KAT2A: variants seen among roughly 807,000 people sequenced by gnomAD.
The protein encoded by KAT2A is lysine acetyltransferase 2A, also known as histone acetyltransferase KAT2A.
A neutral mutation model predicts 95.2 loss-of-function variants in KAT2A; 42 were observed. The ratio of observed to expected loss-of-function variants is 0.44; its 90% CI spans 0.34 to 0.57. KAT2A has a LOEUF of 0.57. Ranked by LOEUF, KAT2A falls within the 20% of genes least tolerant of loss-of-function variation. The pLI, the probability that KAT2A is intolerant of heterozygous loss-of-function variation, is 0.01. For missense variants in KAT2A, 784 were observed against 1,126.3 expected, an observed-to-expected ratio of 0.70 and a Z score of 4.35; for synonymous variants, 449 against 448.2, an observed-to-expected ratio of 1.00 and a Z score of -0.02.
chr17:42,117,951 T>C lies in KAT2A; in HGVS notation c.1247A>G (p.Asn416Ser). 1.2e-6 allele frequency: 2 copies of C among 1,608,476 alleles called. No individual in the cohort carries two copies. Among genetic ancestry groups the C allele is most frequent in the Middle Eastern group, 1.7e-4 (1 of 6,034 alleles). The change falls in exon 8 of 18, where the codon AAC (asparagine) becomes AGC (serine). Residue 416 changes from asparagine (N) to serine (S), a missense_variant. Around this residue, in one of 6 missense-constraint regions of KAT2A, gnomAD observed 63 missense variants for 70.1 expected, o/e 0.90. Transcript: ENST00000225916. This position sits in a 1 kb window ranked among gnomAD's most constrained non-coding sequence, Gnocchi z 8.9. ...TGCAGAATCCAGACTCAGGGAGCTG[T>C]TGCTGCCCCCACCCATGCTGGGGCT... is the stretch of plus-strand genomic sequence containing the variant. Reference protein sequence around the residue: ...IFSPSMGGGSNSSLSLDSAGA... With the variant: ...IFSPSMGGGSSSSLSLDSAGA...
Position 42,114,763 on chromosome 17 carries a change from A to T in KAT2A, c.2019+129T>A, listed in dbSNP as rs2054230546. 1 of 1,229,360 alleles carries T rather than the reference A, an allele frequency of 8.1e-7. No homozygotes were observed. Among genetic ancestry groups the T allele is most frequent in the Non-Finnish European group, 1.2e-6 (1 of 854,328 alleles). The allele number at this position is 1,229,360 out of a possible 1,614,324, so 76.2% of individuals were successfully genotyped here. A position where few individuals can be genotyped will look rare whatever the true frequency, so the allele number is the denominator to read the frequency against. ...CCAAGGGAGCAGAGCAAGAGCCAAG[A>T]TCCTGGCCTGCCCCTCCTCACTCAC... On this transcript the variant is annotated intron_variant, in intron 13 of 17. Coordinates refer to ENST00000225916, the MANE Select transcript of KAT2A (RefSeq NM_021078.3). This position sits in a 1 kb window ranked among gnomAD's most constrained non-coding sequence, Gnocchi z 6.0.
At position 42,117,122 on chromosome 17, in the gene KAT2A, G is replaced by T; in HGVS notation, c.1677C>A (p.Val559=). Residue 559 remains valine, a synonymous_variant, in exon 11 of 18, where the codon GTC becomes GTA. Coordinates refer to ENST00000225916, the MANE Select transcript of KAT2A (RefSeq NM_021078.3). This position sits in a 1 kb window ranked among gnomAD's most constrained non-coding sequence, Gnocchi z 8.9. ...KTLALIKDGR[V]IGGICFRMFP... ...ACATGCGGAAGCAGATGCCACCGATGACCCGCCCATCCTTGATCAAGGCCA... is the reference window on the plus strand; with the variant it reads ...ACATGCGGAAGCAGATGCCACCGATTACCCGCCCATCCTTGATCAAGGCCA... 6.2e-7 allele frequency: 1 copy of T among 1,614,106 alleles called. No individual in the cohort carries two copies. The highest frequency in any genetic ancestry group is 1.1e-5 in the South Asian group (1 of 91,072).
Position 42,119,828 on chromosome 17 carries a change from C to CT in KAT2A, c.700-111_700-110insA, listed in dbSNP as rs1477865033. 1 of 1,056,108 alleles carries CT rather than the reference C, an allele frequency of 9.5e-7. No homozygotes were observed. Among genetic ancestry groups the CT allele is most frequent in the Non-Finnish European group, 1.4e-6 (1 of 729,768 alleles). 65.4% of individuals were successfully genotyped at this position (1,056,108 alleles called of 1,614,324 possible). On this transcript the variant is annotated intron_variant, in intron 4 of 17. Transcript: ENST00000225916. The surrounding 1 kb of genome is among the most constrained non-coding windows in gnomAD (Gnocchi z 5.3). ...TGGCCAGGGACAAGGTTCTCCTTCT[C>CT]CTCTCTCTCTCGGGTGCTCTCTATA...
Position 42,120,117 on chromosome 17 carries a change from T to C in KAT2A, c.612A>G (p.Leu204=), listed in dbSNP as rs1247787614. 1.2e-6 allele frequency: 2 copies of C among 1,614,064 alleles called. No individual in the cohort carries two copies. Among genetic ancestry groups the C allele is most frequent in the Non-Finnish European group, 1.7e-6 (2 of 1,179,968 alleles). ...TCATCTGCAGGATGCATTTCCGCAG[T>C]AGCTAGAGAGAAGAGGAAGGGGGCA... ...TKQVYFYLFK[L]LRKCILQMTR... is the part of the protein sequence containing the mutation. The change falls in exon 4 of 18, where the codon CTA becomes CTG. Residue 204 remains leucine (L), a splice_region_variant and synonymous_variant. Transcript: ENST00000225916.
rs781942386 is a variant in KAT2A, at chr17:42,120,190, T to A, written c.609+35A>T. 21 of 1,613,826 alleles carry A rather than the reference T, an allele frequency of 1.3e-5. No homozygotes were observed. In the African/African-American group the frequency reaches 2.5e-4, roughly 19 times the overall value. On this transcript the variant is annotated intron_variant, in intron 3 of 17. Transcript: ENST00000225916. The stretch of plus-strand genomic sequence containing the variant: ...GCAGACAACCCCTCAAGGCCCCACC[T>A]CCTTCACTCACACCCTCCTTTAGTG...
Position 42,117,466 on chromosome 17 carries a change from A to G in KAT2A, c.1559T>C (p.Leu520Pro). 1 of 1,613,432 alleles carries G rather than the reference A, an allele frequency of 6.2e-7. No homozygotes were observed. The highest frequency in any genetic ancestry group is 8.5e-7 in the Non-Finnish European group (1 of 1,180,018). The change falls in exon 10 of 18, where the codon CTC becomes CCC. Residue 520 changes from leucine to proline, a missense_variant. This residue lies in a region of KAT2A where 174 missense variants were observed against 324.9 expected (regional missense o/e 0.54). Coordinates refer to ENST00000225916, the MANE Select transcript of KAT2A (RefSeq NM_021078.3). The surrounding 1 kb of genome is among the most constrained non-coding windows in gnomAD (Gnocchi z 8.9). ...PKANRRVLLW[L>P]VGLQNVFSHQ... ...GGAAAAGACATTCTGCAGCCCCACG[A>G]GCCACAGCAACACCCGCCGGTTGGC...
At chr17:42,116,144 G>A (rs928228925) in intron 11 of KAT2A, among the ~76,000 whole-genome samples, 42 of 152,182 alleles carry the variant, frequency 2.8e-4, no homozygotes, top group African/African-American at 9.9e-4. Context: ...ACTCAGCTAC[G>A]TTAGGAAATG....
intron 3 of KAT2A, 33 bp downstream of exon 3, chr17:42,120,192 C>T: frequency 6.2e-7 from 1 of 1,614,052 alleles, no homozygotes; most frequent in Non-Finnish European, 8.5e-7. Flanking sequence ...GCCCCACCTC[C>T]TTCACTCACA....
chr17:42,114,642 C>A lies in KAT2A; in HGVS notation c.2020-38G>T. On this transcript the variant is annotated intron_variant, in intron 13 of 17. Coordinates refer to ENST00000225916, the MANE Select transcript of KAT2A (RefSeq NM_021078.3). The surrounding 1 kb of genome is among the most constrained non-coding windows in gnomAD (Gnocchi z 6.0). ...AGGGACTGAGGGGCCAACTCCAGCC[C>A]CAACAACAACCCCTCCCAGGGCCAC... is the stretch of plus-strand genomic sequence containing the variant. The A allele has an allele frequency of 6.4e-7, 1 of 1,556,612 alleles. No homozygotes were observed. The highest frequency in any genetic ancestry group is 8.8e-7 in the Non-Finnish European group (1 of 1,132,938).
chr17:42,115,601 C>G, intron 12 of KAT2A, 122 bp downstream of exon 12: 1 of 707,326 alleles, frequency 1.4e-6, no homozygotes, highest in Non-Finnish European at 2.6e-6. Flanking sequence ...TGGAGACTCT[C>G]CTGGCAGGTG....
Position 42,115,022 on chromosome 17 carries a change from T to A in KAT2A, c.1889A>T (p.Asp630Val). 6.2e-7 allele frequency: 1 copy of A among 1,613,874 alleles called. No individual in the cohort carries two copies. The highest frequency in any genetic ancestry group is 8.5e-7 in the Non-Finnish European group (1 of 1,179,902). ...GYFKKQGFSKDIKVPKSRYLG... is the reference protein window; with the variant it reads ...GYFKKQGFSKVIKVPKSRYLG... ...GTAGCGGCTCTTGGGCACCTTGATGTCCTTGGAGAAACCCTGGGGGGTGGA... is the reference window on the plus strand; with the variant it reads ...GTAGCGGCTCTTGGGCACCTTGATGACCTTGGAGAAACCCTGGGGGGTGGA... Residue 630 changes from aspartate to valine, a missense_variant, in exon 13 of 18, where the codon GAC (aspartate) becomes GTC (valine). Physicochemically the swap from Asp to Val is radical, Grantham distance 152. Coordinates refer to ENST00000225916, the MANE Select transcript of KAT2A (RefSeq NM_021078.3).
chr17:42,117,690 C>T lies in KAT2A; in HGVS notation c.1416G>A (p.Met472Ile), dbSNP rs948140872. 1 of 1,610,586 alleles carries T rather than the reference C, an allele frequency of 6.2e-7. No individual in the cohort carries two copies. Among genetic ancestry groups the T allele is most frequent in the Non-Finnish European group, 8.5e-7 (1 of 1,177,872 alleles). The change falls in exon 9 of 18, where the codon ATG becomes ATA. Residue 472 changes from methionine to isoleucine, a missense_variant. By Grantham distance (10) the Met-to-Ile change is conservative (BLOSUM62 1). This residue lies in a region of KAT2A where 174 missense variants were observed against 324.9 expected (regional missense o/e 0.54). Coordinates refer to ENST00000225916, the MANE Select transcript of KAT2A (RefSeq NM_021078.3). This position sits in a 1 kb window ranked among gnomAD's most constrained non-coding sequence, Gnocchi z 8.9. ...TCGGGCTGCCCACCTCAGGCCCCAG[C>T]ATGGCAGCAGGGTCAGTGATGGTCA... Reference protein sequence around the residue: ...VMLTITDPAAMLGPETSLLSA... With the variant: ...VMLTITDPAAILGPETSLLSA...
At position 42,114,584 on chromosome 17, in the gene KAT2A, C is replaced by T. The variant is rs1598228069; in HGVS notation, c.2040G>A (p.Glu680=). 1.9e-6 allele frequency: 3 copies of T among 1,613,748 alleles called. No individual in the cohort carries two copies. The highest frequency in any genetic ancestry group is 2.7e-5 in the African/African-American group (2 of 74,878). ...KQKEIIKKLI[E]RKQAQIRKVY... is the part of the protein sequence containing the mutation. ...CCTTGCGGATCTGGGCCTGTTTGCG[C>T]TCAATCAGCTTCTTGATGATCTGAG... The change falls in exon 14 of 18, where the codon GAG becomes GAA. Residue 680 remains glutamate (E), a synonymous_variant. Coordinates refer to ENST00000225916, the MANE Select transcript of KAT2A (RefSeq NM_021078.3). This position sits in a 1 kb window ranked among gnomAD's most constrained non-coding sequence, Gnocchi z 6.0.
At chr17:42,115,629 C>A in intron 12 of KAT2A, 94 bp downstream of exon 12, 1 of 801,864 alleles carries the variant, frequency 1.2e-6, no homozygotes, top group South Asian at 1.4e-5. Context: ...AAGTAGGGGA[C>A]GCAAAGGGAC....
rs149340949 is a variant in KAT2A at position 42,119,350 on chromosome 17, C to T, written c.968G>A (p.Arg323Gln). Residue 323 changes from arginine to glutamine, a missense_variant, in exon 6 of 18, where the codon CGG (arginine) becomes CAG (glutamine). Transcript: ENST00000225916. This position sits in a 1 kb window ranked among gnomAD's most constrained non-coding sequence, Gnocchi z 5.3. ...TTHVFGRSLLRSIFTVTRRQL... is the reference protein window; with the variant it reads ...TTHVFGRSLLQSIFTVTRRQL... ...CCGGCGGGTAACGGTGAAAATGGACCGGAGAAGGCTTCGCCCAAAGACATG... is the reference window on the plus strand; with the variant it reads ...CCGGCGGGTAACGGTGAAAATGGACTGGAGAAGGCTTCGCCCAAAGACATG... 8.1e-6 allele frequency: 13 copies of T among 1,613,938 alleles called. No homozygotes were observed. The highest frequency in any genetic ancestry group is 2.2e-5 in the East Asian group (1 of 44,888).
chr17:42,120,175 C>G (rs781988271), intron 3 of KAT2A, 50 bp downstream of exon 3: 23 of 1,613,754 alleles, frequency 1.4e-5, no homozygotes, highest in Non-Finnish European at 1.9e-5. Flanking sequence ...GCAGACAACC[C>G]CTCAAGGCCC....
rs782097672 is a variant in KAT2A at position 42,113,969 on chromosome 17, G to T, written c.2320+31C>A. On this transcript the variant is annotated intron_variant, in intron 17 of 17. Coordinates refer to ENST00000225916, the MANE Select transcript of KAT2A (RefSeq NM_021078.3). The stretch of plus-strand genomic sequence containing the variant: ...AGGAGCAGGTGTGGGGACAGAAGAG[G>T]AGGGAAGGGGATGGAATGGAAGGTC... 45 of 1,497,320 alleles carry T rather than the reference G, an allele frequency of 3.0e-5. No homozygotes were observed. The East Asian group carries it at 1.1e-3, about 35-fold the overall frequency. The allele number at this position is 1,497,320 out of a possible 1,614,324, so 92.8% of individuals were successfully genotyped here. A position where few individuals can be genotyped will look rare whatever the true frequency, so the allele number is the denominator to read the frequency against.
At chr17:42,118,267 A>G (rs370239106) in intron 7 of KAT2A, 30 bp downstream of exon 7, 9 of 1,511,006 alleles carry the variant, frequency 6.0e-6, no homozygotes, top group Non-Finnish European at 8.3e-6. Flanking sequence ...GGCAGGCCAG[A>G]CACCCTACAG....
Position 42,119,013 on chromosome 17 carries a change from C to A in KAT2A, c.1073+232G>T. ...AAACAATTAGTAACATCTACTGGGG[C>A]GTAGGGTCGGGTGGGGGCAGCGTTA... is the stretch of plus-strand genomic sequence containing the variant. On this transcript the variant is annotated intron_variant, in intron 6 of 17. Transcript: ENST00000225916. The surrounding 1 kb of genome is among the most constrained non-coding windows in gnomAD (Gnocchi z 5.3). 7.4e-7 allele frequency: 1 copy of A among 1,355,170 alleles called. No individual in the cohort carries two copies. Among genetic ancestry groups the A allele is most frequent in the East Asian group, 2.8e-5 (1 of 35,098 alleles). The allele number at this position is 1,355,170 out of a possible 1,614,324, so 83.9% of individuals were successfully genotyped here.
Sources: gnomAD v4.1 joint callset for allele counts (sites outside exome capture counted in the v4.1 genomes callset) on GRCh38, gnomAD v4.1.1 for gene constraint, gnomAD v4.1.1 regional missense constraint, Gnocchi (gnomAD v3.1) non-coding constraint, MANE v1.5 for transcripts, NCBI Gene and HGNC (gene_info 2026-07-23, HGNC 2026-07-21) for gene names.